The following CLMP variants were observed in gnomAD, a reference collection of about 807,000 sequenced individuals.
CLMP encodes the protein CXADR-like membrane protein.
Under a neutral mutation model 45.2 loss-of-function variants are expected in CLMP, and 27 were observed. The observed-to-expected ratio is 0.60, with a 90% CI of 0.44 to 0.82. CLMP has a LOEUF of 0.82. CLMP is among the 40% of genes least tolerant of loss of function. The pLI is 0.00. For synonymous variants in CLMP, 167 were observed against 171.4 expected (o/e 0.97, Z 0.20); for missense variants, 403 against 448.4 (o/e 0.90, Z 0.91).
rs1565397702 is a variant in CLMP at position 123,150,556 on chromosome 11, G to GA, written c.28+44356dup. 4.5e-5 allele frequency among the ~76,000 whole-genome samples: 6 copies of GA among 134,594 alleles called. 1 individual carries two copies. Among genetic ancestry groups the GA allele is most frequent in the African/African-American group, 1.8e-4 (6 of 34,146 alleles). 88.3% of individuals were successfully genotyped at this position (134,594 alleles called of 152,430 possible). On this transcript the variant is annotated intron_variant, in intron 1 of 6. Transcript: ENST00000448775. ...AGAAACAAGCAAGGAAGGAAGGAAG[G>GA]AAGGAAAGGAAGGAAGGAAGGAAGG...
intron 1 of CLMP, among the ~76,000 whole-genome samples, chr11:123,130,367 A>G (rs1860967779): frequency 6.6e-6 from 1 of 152,174 alleles, no homozygotes; most frequent in Non-Finnish European, 1.5e-5. Flanking sequence ...AAATGGCCCC[A>G]GGACCATCAA....
intron 1 of CLMP, among the ~76,000 whole-genome samples, chr11:123,125,224 G>C (rs1402465002): frequency 6.6e-6 from 1 of 152,158 alleles, no homozygotes; most frequent in African/African-American, 2.4e-5. Context: ...GCTAAAGCAA[G>C]ACTTTAAAGA....
At chr11:123,087,589 G>A (rs546849622) in intron 2 of CLMP, among the ~76,000 whole-genome samples, 78 of 152,122 alleles carry the variant, frequency 5.1e-4, no homozygotes, top group Non-Finnish European at 9.9e-4. Flanking sequence ...TTGGGATGCC[G>A]AGGCGGGTGG....
At chr11:123,141,976 C>T (rs1051696481) in intron 1 of CLMP, among the ~76,000 whole-genome samples, 1 of 142,534 alleles carries the variant, frequency 7.0e-6, no homozygotes, top group African/African-American at 2.7e-5. Flanking sequence ...TAACCAAAAT[C>T]CCCCCAGCCT....
At chr11:123,151,945 C>G (rs987589212) in intron 1 of CLMP, among the ~76,000 whole-genome samples, 14 of 152,310 alleles carry the variant, frequency 9.2e-5, no homozygotes, top group Admixed American at 5.9e-4. Flanking sequence ...GAATAGCTCC[C>G]TGCCTCCTTC....
Position 123,177,024 on chromosome 11 carries a change from G to A in CLMP, c.28+17889C>T, listed in dbSNP as rs751486428. 1.7e-3 allele frequency among the ~76,000 whole-genome samples: 256 copies of A among 152,156 alleles called. 11 individuals are homozygous for A. Among genetic ancestry groups the A allele is most frequent in the South Asian group, 6.2e-4 (3 of 4,826 alleles). On this transcript the variant is annotated intron_variant, in intron 1 of 6. Transcript: ENST00000448775. Reference sequence around the variant, plus strand: ...TATGGTCTAGAAAGTGAAAGAATACGTGTGAATCATCACATTTTGAAGGGT... The same window carrying A: ...TATGGTCTAGAAAGTGAAAGAATACATGTGAATCATCACATTTTGAAGGGT...
chr11:123,193,390 G>T (rs544450570), intron 1 of CLMP, among the ~76,000 whole-genome samples: 4 of 152,260 alleles, frequency 2.6e-5, no homozygotes, highest in African/African-American at 9.6e-5. Flanking sequence ...TAATAAGAGA[G>T]CCCTGAAGTT....
At chr11:123,131,984 A>T (rs1021395890) in intron 1 of CLMP, among the ~76,000 whole-genome samples, 1 of 152,208 alleles carries the variant, frequency 6.6e-6, no homozygotes, top group Non-Finnish European at 1.5e-5. Context: ...CATGGCTCTC[A>T]TAAGGATTAA....
At chr11:123,087,194 G>A (rs1361445481) in intron 2 of CLMP, among the ~76,000 whole-genome samples, 6 of 151,788 alleles carry the variant, frequency 4.0e-5, no homozygotes, top group Non-Finnish European at 7.4e-5. Flanking sequence ...AAAATTAGCC[G>A]GGCGTGATGG....
chr11:123,187,171 C>T (rs1188229136), intron 1 of CLMP, among the ~76,000 whole-genome samples: 1 of 152,152 alleles, frequency 6.6e-6, no homozygotes, highest in Non-Finnish European at 1.5e-5. Context: ...GGTGAAGTAA[C>T]TTGCCCAAGG....
chr11:123,175,811 G>C (rs10502266), intron 1 of CLMP, among the ~76,000 whole-genome samples: 14,680 of 152,206 alleles, frequency 0.096, 2,291 homozygotes, highest in African/African-American at 0.33. Flanking sequence ...ATCCTGCATA[G>C]AAAGAGCTCA....
rs11608035 is a variant in CLMP, at chr11:123,074,429, G to A, written c.821+273C>T. On this transcript the variant is annotated intron_variant, in intron 6 of 6. Coordinates refer to ENST00000448775, the MANE Select transcript of CLMP (RefSeq NM_024769.5). ...ACTCCTGGCCTCAAGTAATCCTCCC[G>A]CCTCGGCCTCCCAAAGTGCTGGGAT... is the stretch of plus-strand genomic sequence containing the variant. Among the ~76,000 whole-genome samples, 21,940 of 151,980 alleles carry A rather than the reference G, an allele frequency of 0.14. 1,620 individuals are homozygous for A. Among genetic ancestry groups the A allele is most frequent in the African/African-American group, 0.16 (6,567 of 41,460 alleles).
chr11:123,180,910 A>T (rs937684187), intron 1 of CLMP, among the ~76,000 whole-genome samples: 2 of 152,158 alleles, frequency 1.3e-5, no homozygotes, highest in Non-Finnish European at 2.9e-5. Flanking sequence ...ATGCCTGGAG[A>T]GAAGGTCTCT....
At chr11:123,145,153 CCT>C (rs1160285832) in intron 1 of CLMP, among the ~76,000 whole-genome samples, 2 of 151,608 alleles carry the variant, frequency 1.3e-5, no homozygotes, top group Admixed American at 6.6e-5. Context: ...ATTAATTTCC[CCT>C]GTTTCTCTTT....
intron 1 of CLMP, among the ~76,000 whole-genome samples, chr11:123,149,436 T>A (rs1314585106): frequency 1.3e-5 from 2 of 152,234 alleles, no homozygotes; most frequent in East Asian, 3.8e-4. Context: ...TGCAGGTGCT[T>A]ATACATATCA....
chr11:123,170,548 T>A (rs1234298866), intron 1 of CLMP, among the ~76,000 whole-genome samples: 1 of 151,778 alleles, frequency 6.6e-6, no homozygotes, highest in Non-Finnish European at 1.5e-5. Context: ...CAAGTGATTC[T>A]CCTGCCTCTG....
chr11:123,147,201 G>A (rs890209678), intron 1 of CLMP, among the ~76,000 whole-genome samples: 13 of 151,914 alleles, frequency 8.6e-5, no homozygotes, highest in Non-Finnish European at 1.8e-4. Context: ...GACTTTGCTT[G>A]GCTCTCCAAC....
intron 1 of CLMP, among the ~76,000 whole-genome samples, chr11:123,171,447 CTT>C (rs758162904): frequency 3.7e-5 from 5 of 136,460 alleles, no homozygotes; most frequent in African/African-American, 5.4e-5. Context: ...CTTTTCTTTT[CTT>C]TTTTTTTTTT....
chr11:123,144,680 T>A (rs1861213358), intron 1 of CLMP, among the ~76,000 whole-genome samples: 1 of 132,806 alleles, frequency 7.5e-6, no homozygotes, highest in Non-Finnish European at 1.7e-5. Flanking sequence ...GGGATAATGA[T>A]TTTTTTTGGT....
Sources: gnomAD v4.1 joint callset for allele counts (sites outside exome capture counted in the v4.1 genomes callset) on GRCh38, gnomAD v4.1.1 for gene constraint, MANE v1.5 for transcripts, NCBI Gene and HGNC (gene_info 2026-07-23, HGNC 2026-07-21) for gene names.